Variants in DNASE2B observed in about 807,000 individuals in gnomAD.
The protein encoded by DNASE2B is deoxyribonuclease-2-beta.
In DNASE2B, 43 loss-of-function variants were observed where a neutral mutation model predicts 46.0. The ratio of observed to expected loss-of-function variants is 0.94; its 90% CI spans 0.73 to 1.21. The LOEUF (loss-of-function observed/expected upper bound fraction) is 1.21, where lower values mean the gene tolerates loss of function less well. Among genes scored for constraint, DNASE2B ranks in the 50% most tolerant of loss-of-function variants. DNASE2B has a pLI of 0.00. For synonymous variants in DNASE2B, 156 were observed against 152.5 expected, an observed-to-expected ratio of 1.02 and a Z score of -0.17; for missense variants, 395 against 414.4, an observed-to-expected ratio of 0.95 and a Z score of 0.41.
chr1:84,408,355 CA>C, intron 2 of DNASE2B, 81 bp from the exon 3 acceptor site: 1 of 1,460,380 alleles, frequency 6.8e-7, no homozygotes, highest in Admixed American at 2.4e-5. Context: ...CAATGTATTG[CA>C]GGCTGGGTAG....
At chr1:84,408,569 T>G in intron 3 of DNASE2B, 51 bp downstream of exon 3, 1 of 1,502,892 alleles carries the variant, frequency 6.7e-7, no homozygotes, top group Non-Finnish European at 9.1e-7. Context: ...CAACAATTTC[T>G]TAAATATTTC....
At chr1:84,413,489 T>C (rs1343657061) in intron 5 of DNASE2B, among the ~76,000 whole-genome samples, 1 of 152,218 alleles carries the variant, frequency 6.6e-6, no homozygotes, top group Admixed American at 6.5e-5. Context: ...CTGTTGAAAT[T>C]CTTTCCTTTT....
intron 2 of DNASE2B, among the ~76,000 whole-genome samples, chr1:84,405,427 T>A (rs148572272): frequency 6.6e-6 from 1 of 152,384 alleles, no homozygotes; most frequent in African/African-American, 2.4e-5. Flanking sequence ...ATGGCTCTTA[T>A]GCTGGATTCA....
Position 84,414,600 on chromosome 1 carries a change from A to G in DNASE2B, c.818A>G (p.Gln273Arg). Reference sequence around the variant, plus strand: ...ACAGAAACCTGGCAGCGAAAAAGACAAGAGCTTCCTTCAAACTGCTCCCTT... The same window carrying G: ...ACAGAAACCTGGCAGCGAAAAAGACGAGAGCTTCCTTCAAACTGCTCCCTT... ...LLTETWQRKR[Q>R]ELPSNCSLPY... is the part of the protein sequence containing the mutation. Residue 273 changes from glutamine (Q) to arginine (R), a missense_variant, in exon 6 of 6, where the codon CAA becomes CGA. Physicochemically the swap from Gln to Arg is conservative, Grantham distance 43. Coordinates refer to ENST00000370665, the MANE Select transcript of DNASE2B (RefSeq NM_021233.3). 1 of 1,614,196 alleles carries G rather than the reference A, an allele frequency of 6.2e-7. No individual in the cohort carries two copies. Among genetic ancestry groups the G allele is most frequent in the Non-Finnish European group, 8.5e-7 (1 of 1,180,022 alleles).
At chr1:84,406,987 CA>C (rs1680502484) in intron 2 of DNASE2B, among the ~76,000 whole-genome samples, 1 of 152,166 alleles carries the variant, frequency 6.6e-6, no homozygotes, top group East Asian at 1.9e-4. Context: ...TTCTGCTAGA[CA>C]GGGGGCAGAG....
Position 84,410,999 on chromosome 1 carries a change from G to C in DNASE2B, c.547G>C (p.Asp183His). Residue 183 changes from aspartate (D) to histidine (H), a missense_variant and splice_region_variant, in exon 4 of 6, where the codon GAT becomes CAT. Asp to His is a moderately conservative substitution (Grantham distance 81, BLOSUM62 -1). Coordinates refer to ENST00000370665, the MANE Select transcript of DNASE2B (RefSeq NM_021233.3). ...TFKYNQYEAI[D>H]SQLLVCNPNV... Reference sequence around the variant, plus strand: ...CAAGTACAACCAGTATGAGGCAATAGGTAAAACTAAAGTATGTGAGAAAAA... The same window carrying C: ...CAAGTACAACCAGTATGAGGCAATACGTAAAACTAAAGTATGTGAGAAAAA... The C allele has an allele frequency of 6.3e-7, 1 of 1,599,842 alleles. No individual in the cohort carries two copies. Among genetic ancestry groups the C allele is most frequent in the Non-Finnish European group, 8.5e-7 (1 of 1,174,728 alleles).
chr1:84,405,880 G>A (rs1465978986), intron 2 of DNASE2B, among the ~76,000 whole-genome samples: 2 of 152,060 alleles, frequency 1.3e-5, no homozygotes, highest in Non-Finnish European at 2.9e-5. Flanking sequence ...ACTGTGAATG[G>A]CACCATGTTT....
At chr1:84,407,871 T>G (rs1271387370) in intron 2 of DNASE2B, among the ~76,000 whole-genome samples, 2 of 152,060 alleles carry the variant, frequency 1.3e-5, no homozygotes, top group Non-Finnish European at 2.9e-5. Flanking sequence ...GAAGTGACAC[T>G]GAAAAATGGA....
At chr1:84,403,030 G>C (rs1370132909) in intron 2 of DNASE2B, among the ~76,000 whole-genome samples, 1 of 152,166 alleles carries the variant, frequency 6.6e-6, no homozygotes, top group African/African-American at 2.4e-5. Flanking sequence ...TTATTTACCT[G>C]CCATTAAGAC....
intron 4 of DNASE2B, among the ~76,000 whole-genome samples, chr1:84,411,355 G>GAA (rs1488689179): frequency 6.6e-6 from 1 of 151,914 alleles, no homozygotes; most frequent in Non-Finnish European, 1.5e-5. Context: ...CCATCATACT[G>GAA]TGGCTCTACA....
At position 84,412,563 on chromosome 1, in the gene DNASE2B, T is replaced by C. The variant is rs745380602; in HGVS notation, c.745+17T>C. On this transcript the variant is annotated intron_variant, in intron 5 of 5. Transcript: ENST00000370665. ...TTCTTGACGGTATGAAAGACCATCATCAAACAACATGCTGTATAATTCTGC... is the reference window on the plus strand; with the variant it reads ...TTCTTGACGGTATGAAAGACCATCACCAAACAACATGCTGTATAATTCTGC... 4 of 1,588,088 alleles carry C rather than the reference T, an allele frequency of 2.5e-6. No individual in the cohort carries two copies. The highest frequency in any genetic ancestry group is 3.4e-6 in the Non-Finnish European group (4 of 1,162,228).
In DNASE2B at chr1:84,411,532, A is replaced by G. The variant is rs1301119981; in HGVS notation, c.547+533A>G. Among the ~76,000 whole-genome samples the G allele has an allele frequency of 2.0e-5, 3 of 151,174 alleles. 1 individual carries two copies. The highest frequency in any genetic ancestry group is 6.3e-3 in the Middle Eastern group (2 of 316). ...AAACTGATTTCCAAATATGAGTTCA[A>G]TCTTAATTTTGTTTTTGAAGTTTTC... is the stretch of plus-strand genomic sequence containing the variant. On this transcript the variant is annotated intron_variant, in intron 4 of 5. Transcript: ENST00000370665.
At chr1:84,408,969 T>C (rs937033724) in intron 3 of DNASE2B, among the ~76,000 whole-genome samples, 4 of 151,962 alleles carry the variant, frequency 2.6e-5, no homozygotes, top group Non-Finnish European at 5.9e-5. Context: ...CTTGGAAATA[T>C]ACATTTTTGA....
rs767449058 is a variant in DNASE2B at position 84,412,529 on chromosome 1, C to T, written c.728C>T (p.Ser243Leu). Residue 243 changes from serine (S) to leucine (L), a missense_variant, in exon 5 of 6, where the codon TCG becomes TTG. Coordinates refer to ENST00000370665, the MANE Select transcript of DNASE2B (RefSeq NM_021233.3). ...CAAAAATTCCTCCATTTTGCAAAGT[C>T]GGATTCTTTTCTTGACGGTATGAAA... ...QGQKFLHFAK[S>L]DSFLDDIFAA... The T allele has an allele frequency of 1.1e-5, 18 of 1,609,870 alleles. No homozygotes were observed. The East Asian group carries it at 1.3e-4, about 12-fold the overall frequency.
Position 84,412,429 on chromosome 1 carries a change from C to T in DNASE2B, c.628C>T (p.Pro210Ser), listed in dbSNP as rs1680615759. Residue 210 changes from proline (P) to serine (S), a missense_variant, in exon 5 of 6, where the codon CCC becomes TCC. Coordinates refer to ENST00000370665, the MANE Select transcript of DNASE2B (RefSeq NM_021233.3). ...ATFHQELIHMPQLCTRASSSE... is the reference protein window; with the variant it reads ...ATFHQELIHMSQLCTRASSSE... ...CTTTCACCAGGAGCTCATTCACATG[C>T]CCCAGCTGTGCACCAGGGCCAGCTC... The T allele has an allele frequency of 6.2e-7, 1 of 1,613,722 alleles. No homozygotes were observed. Among genetic ancestry groups the T allele is most frequent in the Non-Finnish European group, 8.5e-7 (1 of 1,179,782 alleles).
At chr1:84,398,768 A>T in intron 1 of DNASE2B, 79 bp downstream of exon 1, 1 of 1,554,136 alleles carries the variant, frequency 6.4e-7, no homozygotes, top group Non-Finnish European at 8.7e-7. Flanking sequence ...CGAAGTTCCT[A>T]AGGGGAATGT....
chr1:84,403,564 G>A (rs1680454367), intron 2 of DNASE2B, among the ~76,000 whole-genome samples: 1 of 151,776 alleles, frequency 6.6e-6, no homozygotes, highest in Admixed American at 6.6e-5. Context: ...CTATCTCGGG[G>A]GTGGCAGAGA....
chr1:84,412,182 G>A (rs1358668732), intron 4 of DNASE2B, among the ~76,000 whole-genome samples, 167 bp from the exon 5 acceptor site: 5 of 152,184 alleles, frequency 3.3e-5, no homozygotes, highest in Non-Finnish European at 7.3e-5. Context: ...CTTAACAGGT[G>A]TTAGTTATTT....
intron 2 of DNASE2B, among the ~76,000 whole-genome samples, chr1:84,404,604 G>A (rs1680470709): frequency 6.6e-6 from 1 of 152,202 alleles, no homozygotes; most frequent in Non-Finnish European, 1.5e-5. Context: ...TTGGGGGCAG[G>A]TGGACAACTT....
Sources: allele counts gnomAD v4.1 joint callset (sites outside exome capture counted in the v4.1 genomes callset), GRCh38; gene constraint gnomAD v4.1.1; transcripts MANE v1.5; gene names NCBI Gene and HGNC (gene_info 2026-07-23, HGNC 2026-07-21).